ATXN1: variants seen among roughly 807,000 people sequenced by gnomAD.
ATXN1 encodes ataxin-1.
ATXN1 carries 8 observed loss-of-function variants against 56.4 expected under a neutral mutation model. The observed-to-expected ratio is 0.14, with a 90% CI of 0.08 to 0.26. The LOEUF (loss-of-function observed/expected upper bound fraction) is 0.26, where lower values mean the gene tolerates loss of function less well. Among genes scored for constraint, ATXN1 ranks in the 10% least tolerant of loss-of-function variants. The pLI, the probability that ATXN1 is intolerant of heterozygous loss-of-function variation, is 1.00. For synonymous variants in ATXN1, 514 were observed against 494.6 expected (o/e 1.04, Z -0.52); for missense variants, 987 against 1,106.5 (o/e 0.89, Z 1.53).
intron 3 of ATXN1, among the ~76,000 whole-genome samples, chr6:16,642,126 G>A (rs1347088148): frequency 6.6e-6 from 1 of 152,198 alleles, no homozygotes; most frequent in Non-Finnish European, 1.5e-5. Flanking sequence ...AGTGGCTCAC[G>A]CTTGTAATCT....
chr6:16,735,842 T>TC (rs1160687298), intron 2 of ATXN1, among the ~76,000 whole-genome samples: 1 of 151,958 alleles, frequency 6.6e-6, no homozygotes, highest in Non-Finnish European at 1.5e-5. Context: ...AAAAAAACTG[T>TC]CCCTCAAATA....
chr6:16,418,913 A>G (rs1383087267), intron 6 of ATXN1, among the ~76,000 whole-genome samples: 1 of 151,894 alleles, frequency 6.6e-6, no homozygotes, highest in Non-Finnish European at 1.5e-5. Context: ...ATGGTCTGAA[A>G]TTTGGCCAAG....
At chr6:16,316,865 CTTTTTTT>C (rs375359789) in intron 7 of ATXN1, among the ~76,000 whole-genome samples, 26,947 of 99,546 alleles carry the variant, frequency 0.27, 3,964 homozygotes, top group Admixed American at 0.37. Context: ...GACTGCCTGT[CTTTTTTT>C]TTTTTTTTTT....
chr6:16,343,467 C>A (rs1022301828), intron 6 of ATXN1, among the ~76,000 whole-genome samples: 1 of 152,154 alleles, frequency 6.6e-6, no homozygotes, highest in Non-Finnish European at 1.5e-5. Context: ...CTCTGAGATA[C>A]CTGCTGGCAT....
chr6:16,400,518 T>C (rs1187056180), intron 6 of ATXN1, among the ~76,000 whole-genome samples: 1 of 152,228 alleles, frequency 6.6e-6, no homozygotes, highest in Middle Eastern at 3.2e-3. Flanking sequence ...ATCATGGCAT[T>C]CCTATTTGCC....
chr6:16,578,766 C>T (rs1036085508), intron 4 of ATXN1, among the ~76,000 whole-genome samples: 13 of 152,022 alleles, frequency 8.6e-5, no homozygotes, highest in South Asian at 2.1e-4. Context: ...AATCACAAGA[C>T]GATAGATCAA....
intron 6 of ATXN1, among the ~76,000 whole-genome samples, chr6:16,330,078 T>C (rs572131760): frequency 6.6e-6 from 1 of 152,306 alleles, no homozygotes; most frequent in Non-Finnish European, 1.5e-5. Flanking sequence ...ATTTTCTTTC[T>C]TTCTTTCTTT....
intron 5 of ATXN1, among the ~76,000 whole-genome samples, chr6:16,495,902 T>C (rs1252933631): frequency 6.6e-6 from 1 of 152,062 alleles, no homozygotes; most frequent in Non-Finnish European, 1.5e-5. Context: ...ATTGGTATAT[T>C]AGTAAAAGCC....
rs534495274 is a variant in ATXN1, at chr6:16,594,205, C to T, written c.-488-8298G>A. Among the ~76,000 whole-genome samples the T allele has an allele frequency of 1.3e-4, 19 of 148,888 alleles. No individual in the cohort carries two copies. The East Asian group carries it at 3.5e-3, about 28-fold the overall frequency. On this transcript the variant is annotated intron_variant, in intron 3 of 7. Coordinates refer to ENST00000436367, the MANE Select transcript of ATXN1 (RefSeq NM_001128164.2). ...ACGACCTTTAAAATTTTTTCAGCTT[C>T]GTTTTTTTTTCTATTAGAAACAATG...
chr6:16,689,122 T>C (rs1418386366), intron 2 of ATXN1, among the ~76,000 whole-genome samples: 1 of 152,098 alleles, frequency 6.6e-6, no homozygotes, highest in Non-Finnish European at 1.5e-5. Flanking sequence ...GAATTTCCTA[T>C]CTGGCATATG....
chr6:16,514,758 C>T (rs1226758201), intron 5 of ATXN1, among the ~76,000 whole-genome samples: 2 of 151,912 alleles, frequency 1.3e-5, no homozygotes, highest in East Asian at 3.9e-4. Context: ...CCAAGGTGGG[C>T]AGATCACGAG....
chr6:16,661,921 A>G lies in ATXN1; in HGVS notation c.-614-4020T>C, dbSNP rs78235172. On this transcript the variant is annotated intron_variant, in intron 2 of 7. Coordinates refer to ENST00000436367, the MANE Select transcript of ATXN1 (RefSeq NM_001128164.2). ...GAAAGACTTGGAGCTAGAGACACCCAGCTATGATATGCAGTGATTCACACT... is the reference window on the plus strand; with the variant it reads ...GAAAGACTTGGAGCTAGAGACACCCGGCTATGATATGCAGTGATTCACACT... 1.6e-3 allele frequency among the ~76,000 whole-genome samples: 244 copies of G among 152,356 alleles called. 1 individual carries two copies. Among genetic ancestry groups the G allele is most frequent in the African/African-American group, 5.5e-3 (230 of 41,584 alleles).
intron 4 of ATXN1, among the ~76,000 whole-genome samples, chr6:16,562,391 GAAGAAGA>G (rs554136358): frequency 4.9e-4 from 64 of 130,762 alleles, no homozygotes; most frequent in African/African-American, 1.7e-3. Flanking sequence ...AAAAAAAGAA[GAAGAAGA>G]AAGAAGAAAG....
chr6:16,693,226 T>C (rs1358718957), intron 2 of ATXN1, among the ~76,000 whole-genome samples: 1 of 152,180 alleles, frequency 6.6e-6, no homozygotes, highest in Non-Finnish European at 1.5e-5. Flanking sequence ...TCCTTTGAAA[T>C]ACTAAAAAGA....
intron 2 of ATXN1, among the ~76,000 whole-genome samples, chr6:16,743,274 T>C (rs1249818115): frequency 6.6e-6 from 1 of 152,256 alleles, no homozygotes; most frequent in East Asian, 1.9e-4. Context: ...TACGTACAGC[T>C]TTCTTTCCAG....
At chr6:16,481,071 T>TG (rs1250725065) in intron 6 of ATXN1, among the ~76,000 whole-genome samples, 3 of 152,074 alleles carry the variant, frequency 2.0e-5, no homozygotes, top group Non-Finnish European at 4.4e-5. Flanking sequence ...GAGAAATGGG[T>TG]GAAAGAGAAA....
intron 6 of ATXN1, among the ~76,000 whole-genome samples, chr6:16,455,337 A>G (rs1418714458): frequency 1.3e-5 from 2 of 152,226 alleles, no homozygotes; most frequent in Non-Finnish European, 2.9e-5. Flanking sequence ...CCACATTATG[A>G]ATCACTAGGG....
At chr6:16,344,008 G>C (rs974672165) in intron 6 of ATXN1, among the ~76,000 whole-genome samples, 5 of 152,164 alleles carry the variant, frequency 3.3e-5, no homozygotes, top group Admixed American at 1.3e-4. Flanking sequence ...TCGAGCGTGC[G>C]CATCACATTC....
intron 2 of ATXN1, among the ~76,000 whole-genome samples, chr6:16,699,260 C>T (rs1012336979): frequency 6.6e-6 from 1 of 152,234 alleles, no homozygotes; most frequent in African/African-American, 2.4e-5. Context: ...TGTCATCCAT[C>T]TGAACCTGTT....
Sources: gnomAD v4.1 joint callset for allele counts (sites outside exome capture counted in the v4.1 genomes callset) on GRCh38, gnomAD v4.1.1 for gene constraint, MANE v1.5 for transcripts, NCBI Gene and HGNC (gene_info 2026-07-23, HGNC 2026-07-21) for gene names.